TAFA1: variants seen among roughly 807,000 people sequenced by gnomAD.
TAFA1 encodes the protein TAFA chemokine like family member 1.
TAFA1 carries 4 observed loss-of-function variants against 18.5 expected under a neutral mutation model. The observed-to-expected ratio is 0.22, with a 90% CI of 0.11 to 0.49. TAFA1 has a LOEUF of 0.49. Among genes scored for constraint, TAFA1 ranks in the 20% least tolerant of loss-of-function variants. TAFA1 has a pLI of 0.98. For synonymous variants in TAFA1, 56 were observed against 55.2 expected (o/e 1.01, Z -0.06); for missense variants, 147 against 169.0 (o/e 0.87, Z 0.72).
chr3:68,478,650 C>T (rs2072150983), intron 3 of TAFA1, among the ~76,000 whole-genome samples: 1 of 152,000 alleles, frequency 6.6e-6, no homozygotes, highest in Non-Finnish European at 1.5e-5. Flanking sequence ...TGCAAGTGGT[C>T]CTCAACTTCT....
intron 2 of TAFA1, among the ~76,000 whole-genome samples, chr3:68,087,544 T>TTCCCTCCCTCCTTCCC (rs1559515442): frequency 1.2e-5 from 1 of 86,866 alleles, no homozygotes; most frequent in Non-Finnish European, 2.2e-5. Flanking sequence ...CCCTCCCTCC[T>TTCCCTCCCTCCTTCCC]TCCCTCCCTC....
intron 2 of TAFA1, among the ~76,000 whole-genome samples, chr3:68,105,659 G>T (rs910681811): frequency 6.6e-6 from 1 of 152,070 alleles, no homozygotes; most frequent in Non-Finnish European, 1.5e-5. Flanking sequence ...TTTCACGTGA[G>T]AAATAACTAT....
At chr3:68,167,191 GT>G (rs1447305468) in intron 2 of TAFA1, among the ~76,000 whole-genome samples, 1 of 152,156 alleles carries the variant, frequency 6.6e-6, no homozygotes, top group Non-Finnish European at 1.5e-5. Flanking sequence ...AATGTGGGAT[GT>G]TTCCTTTATG....
chr3:68,404,847 T>TTTATG, intron 2 of TAFA1, among the ~76,000 whole-genome samples: 1 of 151,204 alleles, frequency 6.6e-6, no homozygotes, highest in East Asian at 1.9e-4. Flanking sequence ...TTGAGATCAG[T>TTTATG]TTATGGCTCA....
intron 2 of TAFA1, among the ~76,000 whole-genome samples, chr3:68,274,409 T>C (rs537015437): frequency 1.3e-5 from 2 of 152,304 alleles, no homozygotes; most frequent in South Asian, 2.1e-4. Flanking sequence ...AGCAAAACAG[T>C]GTGGGATGCC....
At chr3:68,007,505 C>T (rs1231796180) in intron 2 of TAFA1, among the ~76,000 whole-genome samples, 1 of 152,106 alleles carries the variant, frequency 6.6e-6, no homozygotes, top group African/African-American at 2.4e-5. Context: ...CTCGATTGTC[C>T]TTACCTTCCC....
intron 2 of TAFA1, among the ~76,000 whole-genome samples, chr3:68,056,155 G>C (rs2064534735): frequency 6.6e-6 from 1 of 152,132 alleles, no homozygotes; most frequent in Non-Finnish European, 1.5e-5. Flanking sequence ...TCTTAGGTAA[G>C]AGTCTCAGCA....
chr3:68,230,212 T>C (rs1209464981), intron 2 of TAFA1, among the ~76,000 whole-genome samples: 1 of 152,190 alleles, frequency 6.6e-6, no homozygotes, highest in Non-Finnish European at 1.5e-5. Flanking sequence ...CTAGATCTTA[T>C]TCCATCCAAC....
chr3:67,991,638 A>G, the TAFA1 span, among the ~76,000 whole-genome samples: 1 of 152,218 alleles, frequency 6.6e-6, no homozygotes, highest in African/African-American at 2.4e-5. Flanking sequence ...CAGGACTGAC[A>G]CAAGCAACCT....
chr3:68,230,813 C>T (rs1158188048), intron 2 of TAFA1, among the ~76,000 whole-genome samples: 1 of 152,160 alleles, frequency 6.6e-6, no homozygotes, highest in Non-Finnish European at 1.5e-5. Context: ...TAAAAGCCAA[C>T]TTAACTGGGG....
chr3:68,464,949 C>T (rs1410624344), intron 3 of TAFA1, among the ~76,000 whole-genome samples: 1 of 152,094 alleles, frequency 6.6e-6, no homozygotes, highest in Non-Finnish European at 1.5e-5. Context: ...CTACAGAATT[C>T]TGATTTTATT....
chr3:68,228,820 CAG>C (rs1358039999), intron 2 of TAFA1, among the ~76,000 whole-genome samples: 1 of 152,176 alleles, frequency 6.6e-6, no homozygotes, highest in Non-Finnish European at 1.5e-5. Flanking sequence ...GCAAGTGAAA[CAG>C]ATGAGAATGG....
At chr3:68,020,654 G>T (rs376375818) in intron 2 of TAFA1, among the ~76,000 whole-genome samples, 8 of 152,226 alleles carry the variant, frequency 5.3e-5, no homozygotes, top group African/African-American at 1.9e-4. Context: ...GCACATAGAA[G>T]TTTTACAACT....
At chr3:68,328,527 GA>G (rs1384982012) in intron 2 of TAFA1, among the ~76,000 whole-genome samples, 1 of 152,178 alleles carries the variant, frequency 6.6e-6, no homozygotes, top group Non-Finnish European at 1.5e-5. Flanking sequence ...TGTTTTCTGA[GA>G]GATGTTAACA....
chr3:68,407,665 T>G (rs2070637026), intron 2 of TAFA1, among the ~76,000 whole-genome samples: 1 of 152,074 alleles, frequency 6.6e-6, no homozygotes, highest in African/African-American at 2.4e-5. Flanking sequence ...ATGAGAATCT[T>G]GAAATATAGA....
intron 2 of TAFA1, among the ~76,000 whole-genome samples, chr3:68,404,571 G>A (rs2070561483): frequency 6.6e-6 from 1 of 152,052 alleles, no homozygotes; most frequent in Non-Finnish European, 1.5e-5. Flanking sequence ...AGGCCGAAGT[G>A]GGCAGATCAT....
chr3:68,538,475 C>T (rs1207782917), intron 3 of TAFA1, among the ~76,000 whole-genome samples: 2 of 152,162 alleles, frequency 1.3e-5, no homozygotes. Flanking sequence ...AAGATGGAGT[C>T]AGCTATGTTA....
At chr3:68,266,460 A>G (rs2067548913) in intron 2 of TAFA1, among the ~76,000 whole-genome samples, 2 of 152,166 alleles carry the variant, frequency 1.3e-5, no homozygotes, top group African/African-American at 2.4e-5. Context: ...ACCATCCCGC[A>G]TGATACTGGC....
At chr3:68,433,012 C>A (rs2071206483) in intron 3 of TAFA1, among the ~76,000 whole-genome samples, 1 of 151,974 alleles carries the variant, frequency 6.6e-6, no homozygotes, top group South Asian at 2.1e-4. Context: ...CTAGCCTAAT[C>A]CGTTCTTCCA....
Sources: allele counts gnomAD v4.1 joint callset (sites outside exome capture counted in the v4.1 genomes callset), GRCh38; gene constraint gnomAD v4.1.1; transcripts MANE v1.5; gene names NCBI Gene and HGNC (gene_info 2026-07-23, HGNC 2026-07-21).